The following TMEM266 variants were observed in gnomAD, a reference collection of about 807,000 sequenced individuals.
The protein encoded by TMEM266 is Hv1 related protein 1.
In TMEM266, 33 loss-of-function variants were observed where a neutral mutation model predicts 50.5. That is an observed-to-expected ratio of 0.65 (90% confidence interval 0.50 to 0.87). TMEM266 has a LOEUF of 0.87. Among genes scored for constraint, TMEM266 ranks in the 40% least tolerant of loss-of-function variants. The pLI is 0.00. For missense variants in TMEM266, 655 were observed against 695.1 expected (o/e 0.94, Z 0.65); for synonymous variants, 310 against 292.3 (o/e 1.06, Z -0.62).
intron 1 of TMEM266, among the ~76,000 whole-genome samples, chr15:76,066,789 C>G (rs932977566): frequency 1.2e-4 from 19 of 152,266 alleles, no homozygotes; most frequent in South Asian, 4.1e-4. Context: ...CTTCCCACCC[C>G]ACAACCCTGG....
intron 1 of TMEM266, among the ~76,000 whole-genome samples, chr15:76,121,331 CAG>C (rs2037342517): frequency 6.6e-6 from 1 of 152,096 alleles, no homozygotes; most frequent in Admixed American, 6.5e-5. Context: ...TATAATGTAT[CAG>C]TGCTCTATTG....
chr15:76,073,434 T>A (rs1203805065), intron 1 of TMEM266, among the ~76,000 whole-genome samples: 4 of 152,126 alleles, frequency 2.6e-5, no homozygotes, highest in Non-Finnish European at 5.9e-5. Flanking sequence ...GGTTTCACCA[T>A]GTTGGCCAGG....
At chr15:76,099,220 T>C (rs1006577518) in intron 1 of TMEM266, among the ~76,000 whole-genome samples, 5 of 152,228 alleles carry the variant, frequency 3.3e-5, no homozygotes, top group Non-Finnish European at 7.3e-5. Context: ...GGGGAAGGCA[T>C]CAGAGGGAAT....
At chr15:76,097,693 GTGTTTTCC>G (rs2036942145) in intron 1 of TMEM266, among the ~76,000 whole-genome samples, 1 of 152,018 alleles carries the variant, frequency 6.6e-6, no homozygotes, top group African/African-American at 2.4e-5. Context: ...ATCCTGAAGA[GTGTTTTCC>G]AACTTGGTAC....
At chr15:76,143,305 T>G (rs2037708879) in intron 3 of TMEM266, among the ~76,000 whole-genome samples, 1 of 152,154 alleles carries the variant, frequency 6.6e-6, no homozygotes, top group African/African-American at 2.4e-5. Context: ...TGACGTTTGC[T>G]ACCTCCCCTT....
At chr15:76,073,776 G>A (rs1420870245) in intron 1 of TMEM266, among the ~76,000 whole-genome samples, 1 of 152,208 alleles carries the variant, frequency 6.6e-6, no homozygotes, top group Non-Finnish European at 1.5e-5. Flanking sequence ...CATTGTAGAA[G>A]TATTCAGAAT....
At chr15:76,111,221 C>T (rs2037166708) in intron 1 of TMEM266, among the ~76,000 whole-genome samples, 2 of 151,994 alleles carry the variant, frequency 1.3e-5, no homozygotes, top group Admixed American at 6.6e-5. Flanking sequence ...GCTGGGATTA[C>T]AGGTGTGCGC....
At chr15:76,191,240 AC>A (rs1307703399) in intron 8 of TMEM266, among the ~76,000 whole-genome samples, 1 of 152,288 alleles carries the variant, frequency 6.6e-6, no homozygotes, top group African/African-American at 2.4e-5. Context: ...AACATTAAAT[AC>A]ACAATAATAT....
chr15:76,074,459 A>T (rs2036578041), intron 1 of TMEM266, among the ~76,000 whole-genome samples: 1 of 151,964 alleles, frequency 6.6e-6, no homozygotes, highest in African/African-American at 2.4e-5. Flanking sequence ...CACTACCCCC[A>T]CTTTATGATA....
rs573851553 is a variant in TMEM266 at position 76,187,492 on chromosome 15, G to A, written c.769-4476G>A. Among the ~76,000 whole-genome samples the A allele has an allele frequency of 3.3e-5, 5 of 152,354 alleles. No individual in the cohort carries two copies. In the East Asian group the frequency reaches 7.7e-4, roughly 23 times the overall value. ...AGAGCTTGGGAGGGTTGCCTTATGGGCCTTCAGTCGCCTCTGAGACCTTGC... is the reference window on the plus strand; with the variant it reads ...AGAGCTTGGGAGGGTTGCCTTATGGACCTTCAGTCGCCTCTGAGACCTTGC... On this transcript the variant is annotated intron_variant, in intron 8 of 10. Transcript: ENST00000388942.
intron 1 of TMEM266, among the ~76,000 whole-genome samples, chr15:76,102,437 G>A (rs777656530): frequency 6.6e-6 from 1 of 152,094 alleles, no homozygotes; most frequent in African/African-American, 2.4e-5. Flanking sequence ...GGTGACATTT[G>A]TGCAAAGACC....
At chr15:76,190,363 C>A (rs934552154) in intron 8 of TMEM266, among the ~76,000 whole-genome samples, 2 of 152,314 alleles carry the variant, frequency 1.3e-5, no homozygotes, top group African/African-American at 4.8e-5. Flanking sequence ...CCAGATGGTG[C>A]ACGTGCTTTG....
At chr15:76,199,328 A>G (rs528108402) in intron 9 of TMEM266, among the ~76,000 whole-genome samples, 1 of 152,308 alleles carries the variant, frequency 6.6e-6, no homozygotes, top group East Asian at 1.9e-4. Flanking sequence ...GTCTGGGCTG[A>G]AGGACTCAAC....
At chr15:76,130,296 G>C (rs2037489703) in intron 1 of TMEM266, among the ~76,000 whole-genome samples, 1 of 149,478 alleles carries the variant, frequency 6.7e-6, no homozygotes, top group African/African-American at 2.5e-5. Flanking sequence ...CCAGCACTTT[G>C]GGAGGCCGAG....
chr15:76,197,033 C>A (rs1424480222), intron 9 of TMEM266, among the ~76,000 whole-genome samples: 1 of 152,216 alleles, frequency 6.6e-6, no homozygotes, highest in Non-Finnish European at 1.5e-5. Context: ...CTTCGCGTCC[C>A]CCACGCTGCT....
At chr15:76,149,556 G>A (rs969309129) in intron 3 of TMEM266, among the ~76,000 whole-genome samples, 1 of 152,142 alleles carries the variant, frequency 6.6e-6, no homozygotes, top group Non-Finnish European at 1.5e-5. Context: ...CTTGACATAT[G>A]TTATTTTTAA....
intron 1 of TMEM266, among the ~76,000 whole-genome samples, chr15:76,122,907 G>A (rs2037365598): frequency 6.6e-6 from 1 of 152,066 alleles, no homozygotes; most frequent in Non-Finnish European, 1.5e-5. Context: ...GAGGGGAAGG[G>A]AAGAATTACG....
At chr15:76,144,443 C>T (rs1348078499) in intron 3 of TMEM266, among the ~76,000 whole-genome samples, 5 of 152,128 alleles carry the variant, frequency 3.3e-5, no homozygotes, top group African/African-American at 9.7e-5. Flanking sequence ...CTACTGCTGC[C>T]GATGGTGTCC....
At chr15:76,082,065 C>T (rs985641579) in intron 1 of TMEM266, among the ~76,000 whole-genome samples, 5 of 152,196 alleles carry the variant, frequency 3.3e-5, no homozygotes, top group Admixed American at 6.5e-5. Flanking sequence ...TCTCTTCATC[C>T]TCTGTTGGCT....
Sources: gnomAD v4.1 joint callset for allele counts (sites outside exome capture counted in the v4.1 genomes callset) on GRCh38, gnomAD v4.1.1 for gene constraint, MANE v1.5 for transcripts, NCBI Gene and HGNC (gene_info 2026-07-23, HGNC 2026-07-21) for gene names.